The following ALK variants were observed in gnomAD, a reference collection of about 807,000 sequenced individuals.
ALK encodes ALK tyrosine kinase receptor.
ALK carries 74 observed loss-of-function variants against 163.1 expected under a neutral mutation model. The observed-to-expected ratio is 0.45, with a 90% CI of 0.38 to 0.55. The LOEUF is 0.55. Among genes scored for constraint, ALK ranks in the 20% least tolerant of loss-of-function variants. The probability of loss-of-function intolerance (pLI) is 0.00; values close to 1 mark genes in which losing one functional copy is unlikely to be tolerated. For missense variants in ALK, 2,063 were observed against 2,105.3 expected, an observed-to-expected ratio of 0.98 and a Z score of 0.39; for synonymous variants, 960 against 843.2, an observed-to-expected ratio of 1.14 and a Z score of -2.40.
intron 3 of ALK, among the ~76,000 whole-genome samples, chr2:29,685,251 G>C (rs912072431): frequency 4.6e-5 from 7 of 151,992 alleles, no homozygotes; most frequent in Admixed American, 2.0e-4. Flanking sequence ...CATAGAAACC[G>C]AGCCCTTGGC....
At chr2:29,271,829 C>G (rs556404456) in intron 11 of ALK, among the ~76,000 whole-genome samples, 2 of 152,328 alleles carry the variant, frequency 1.3e-5, no homozygotes, top group Admixed American at 6.5e-5. Flanking sequence ...CTACCTCTCA[C>G]CAAATAGCTA....
intron 3 of ALK, among the ~76,000 whole-genome samples, chr2:29,557,899 A>G (rs1673908237): frequency 3.3e-5 from 5 of 152,094 alleles, no homozygotes; most frequent in Admixed American, 3.3e-4. Flanking sequence ...CTAAGCTTAT[A>G]CTCATGCGCT....
At chr2:29,378,833 C>T (rs1668822104) in intron 5 of ALK, among the ~76,000 whole-genome samples, 2 of 152,094 alleles carry the variant, frequency 1.3e-5, no homozygotes, top group African/African-American at 4.8e-5. Flanking sequence ...GCCTCAGCCT[C>T]CCGAGTAGCT....
chr2:29,618,131 T>C (rs1675912899), intron 3 of ALK, among the ~76,000 whole-genome samples: 1 of 152,182 alleles, frequency 6.6e-6, no homozygotes, highest in African/African-American at 2.4e-5. Flanking sequence ...TGACCAACAT[T>C]CACTCCAGTT....
intron 26 of ALK, among the ~76,000 whole-genome samples, chr2:29,199,700 A>G (rs551777937): frequency 1.3e-5 from 2 of 152,306 alleles, no homozygotes; most frequent in African/African-American, 2.4e-5. Flanking sequence ...TTTAAAAAAT[A>G]TTTGATTTCT....
At chr2:29,800,650 C>T (rs1035730929) in intron 1 of ALK, among the ~76,000 whole-genome samples, 4 of 152,120 alleles carry the variant, frequency 2.6e-5, no homozygotes, top group African/African-American at 9.7e-5. Context: ...AGGACCAGAG[C>T]CCTGGAGGCA....
chr2:29,345,676 T>C (rs1345646518), intron 5 of ALK, among the ~76,000 whole-genome samples: 1 of 152,032 alleles, frequency 6.6e-6, no homozygotes, highest in East Asian at 1.9e-4. Context: ...AAAAAACTCA[T>C]AGCAGATTAT....
chr2:29,553,558 GA>G, intron 3 of ALK, among the ~76,000 whole-genome samples: 1 of 152,264 alleles, frequency 6.6e-6, no homozygotes, highest in Middle Eastern at 3.4e-3. Flanking sequence ...TCTCTCTCAT[GA>G]AACATGCTCA....
At chr2:29,714,548 C>A (rs775355698) in intron 2 of ALK, among the ~76,000 whole-genome samples, 1 of 152,146 alleles carries the variant, frequency 6.6e-6, no homozygotes. Flanking sequence ...GCCTAGTGGT[C>A]ATCAGGACAC....
At chr2:29,788,463 G>A (rs541495681) in intron 1 of ALK, among the ~76,000 whole-genome samples, 16 of 152,318 alleles carry the variant, frequency 1.1e-4, no homozygotes, top group South Asian at 8.3e-4. Flanking sequence ...TCTGTTGCTT[G>A]CACGATGGAC....
rs1203831222 is a variant in ALK at position 29,222,538 on chromosome 2, G to A, written c.3429C>T (p.Ser1143=). 1 of 1,614,082 alleles carries A rather than the reference G, an allele frequency of 6.2e-7. No homozygotes were observed. Among genetic ancestry groups the A allele is most frequent in the Admixed American group, 1.7e-5 (1 of 60,024 alleles). The stretch of plus-strand genomic sequence containing the variant: ...TTACCTTCACAGCCACTTGCAGGGG[G>A]CTTGGGTCGTTGGGCATTCCGGACA... The part of the protein sequence containing the change: ...GQVSGMPNDP[S]PLQVAVKTLP... Residue 1143 remains serine, a synonymous_variant, in exon 21 of 29, where the codon AGC becomes AGT. Coordinates refer to ENST00000389048, the MANE Select transcript of ALK (RefSeq NM_004304.5).
chr2:29,539,264 G>C (rs1673349104), intron 3 of ALK, among the ~76,000 whole-genome samples: 1 of 152,088 alleles, frequency 6.6e-6, no homozygotes, highest in Non-Finnish European at 1.5e-5. Flanking sequence ...ACTCCAAGCA[G>C]GATATATTTC....
intron 4 of ALK, among the ~76,000 whole-genome samples, chr2:29,423,077 G>T (rs1490038491): frequency 2.6e-5 from 4 of 152,186 alleles, no homozygotes; most frequent in Non-Finnish European, 4.4e-5. Context: ...GAAGGAGAAA[G>T]AATTATTTTT....
At chr2:29,440,761 A>G (rs1330399790) in intron 4 of ALK, among the ~76,000 whole-genome samples, 1 of 152,224 alleles carries the variant, frequency 6.6e-6, no homozygotes, top group Non-Finnish European at 1.5e-5. Flanking sequence ...GATAACTATT[A>G]AAGCACCACT....
intron 1 of ALK, among the ~76,000 whole-genome samples, chr2:29,718,819 G>A (rs892211346): frequency 9.9e-5 from 15 of 152,190 alleles, no homozygotes; most frequent in African/African-American, 3.4e-4. Context: ...GGTGGTAACT[G>A]TTAACCCACT....
chr2:29,896,509 G>A (rs1158027785), intron 1 of ALK, among the ~76,000 whole-genome samples: 1 of 152,190 alleles, frequency 6.6e-6, no homozygotes, highest in East Asian at 1.9e-4. Context: ...GAGACAAAGA[G>A]AAAAGGCTCT....
chr2:29,594,077 T>A (rs1675135257), intron 3 of ALK, among the ~76,000 whole-genome samples: 1 of 152,104 alleles, frequency 6.6e-6, no homozygotes, highest in Non-Finnish European at 1.5e-5. Flanking sequence ...GAGATTCTGC[T>A]AAACATCCTA....
intron 1 of ALK, among the ~76,000 whole-genome samples, chr2:29,850,118 C>T (rs1392042606): frequency 6.6e-6 from 1 of 152,206 alleles, no homozygotes; most frequent in Non-Finnish European, 1.5e-5. Flanking sequence ...GCAGTGTATA[C>T]ACGTCACCTG....
chr2:29,282,846 C>T (rs1665750508), intron 9 of ALK, among the ~76,000 whole-genome samples: 1 of 152,050 alleles, frequency 6.6e-6, no homozygotes, highest in South Asian at 2.1e-4. Flanking sequence ...TTCGGGGGCT[C>T]AGCCTAAAGG....
Sources: gnomAD v4.1 joint callset for allele counts (sites outside exome capture counted in the v4.1 genomes callset) on GRCh38, gnomAD v4.1.1 for gene constraint, MANE v1.5 for transcripts, NCBI Gene and HGNC (gene_info 2026-07-23, HGNC 2026-07-21) for gene names.